CREB5: variants seen among roughly 807,000 people sequenced by gnomAD.
CREB5 encodes cAMP responsive element binding protein 5.
A neutral mutation model predicts 57.1 loss-of-function variants in CREB5; 19 were observed. The observed-to-expected ratio is 0.33, with a 90% CI of 0.23 to 0.49. The LOEUF is 0.49. CREB5 is among the 20% of genes least tolerant of loss of function. The pLI, the probability that CREB5 is intolerant of heterozygous loss-of-function variation, is 0.99. For synonymous variants in CREB5, 238 were observed against 238.3 expected (o/e 1.00, Z 0.01); for missense variants, 579 against 671.6 (o/e 0.86, Z 1.52).
rs187172513 is a variant in CREB5, at chr7:28,702,260, G to A, written c.465-16493G>A. On this transcript the variant is annotated intron_variant, in intron 5 of 10. Coordinates refer to ENST00000357727, the MANE Select transcript of CREB5 (RefSeq NM_182898.4). ...AGTTATAGGTTTTGATCCTTCTGGAGAGCTTCAACAACTGAAACCATGGTG... is the reference window on the plus strand; with the variant it reads ...AGTTATAGGTTTTGATCCTTCTGGAAAGCTTCAACAACTGAAACCATGGTG... Among the ~76,000 whole-genome samples, 12 of 152,284 alleles carry A rather than the reference G, an allele frequency of 7.9e-5. 1 individual carries two copies. Among genetic ancestry groups the A allele is most frequent in the Admixed American group, 2.0e-4 (3 of 15,278 alleles).
chr7:28,312,404 G>A (rs755995232), intron 1 of CREB5, among the ~76,000 whole-genome samples: 2 of 152,174 alleles, frequency 1.3e-5, no homozygotes, highest in African/African-American at 4.8e-5. Flanking sequence ...GAGTGGTGGA[G>A]CTGCAAGGAA....
At chr7:28,672,855 C>G (rs928585941) in intron 5 of CREB5, among the ~76,000 whole-genome samples, 2 of 152,178 alleles carry the variant, frequency 1.3e-5, no homozygotes, top group African/African-American at 4.8e-5. Context: ...TTTTCATGCT[C>G]CAACACTGTG....
At position 28,642,989 on chromosome 7, in the gene CREB5, C is replaced by CACACACAT. The variant is rs1562544780; in HGVS notation, c.464+72459_464+72460insTACACACA. On this transcript the variant is annotated intron_variant, in intron 5 of 10. Coordinates refer to ENST00000357727, the MANE Select transcript of CREB5 (RefSeq NM_182898.4). ...ACACACACACACACACACACACATACACACACACACACACACACACACACA... is the reference window on the plus strand; with the variant it reads ...ACACACACACACACACACACACATACACACACATACACACACACACACACACACACACA... 2.9e-3 allele frequency among the ~76,000 whole-genome samples: 203 copies of CACACACAT among 70,962 alleles called. 1 individual carries two copies. The highest frequency in any genetic ancestry group is 8.2e-3 in the Middle Eastern group (1 of 122). 46.6% of individuals were successfully genotyped at this position (70,962 alleles called of 152,430 possible). A position where few individuals can be genotyped will look rare whatever the true frequency, so the allele number is the denominator to read the frequency against.
intron 5 of CREB5, among the ~76,000 whole-genome samples, chr7:28,669,704 A>G (rs982950): frequency 0.35 from 53,263 of 152,160 alleles, 9,713 homozygotes; most frequent in Middle Eastern, 0.49. Context: ...GCTGATTTTT[A>G]TAACAGTGGC....
At chr7:28,570,229 G>A in intron 4 of CREB5, 136 bp from the exon 5 acceptor site, 1 of 806,080 alleles carries the variant, frequency 1.2e-6, no homozygotes, top group Non-Finnish European at 2.0e-6. Context: ...AGATGAATGG[G>A]CCTATGGCTT....
At chr7:28,744,705 G>A (rs79638938) in intron 7 of CREB5, among the ~76,000 whole-genome samples, 2,599 of 152,168 alleles carry the variant, frequency 0.017, 36 homozygotes, top group South Asian at 0.04. Context: ...CTGAGGTCCC[G>A]GAGTTAGGAT....
chr7:28,672,201 A>G (rs1463959696), intron 5 of CREB5, among the ~76,000 whole-genome samples: 1 of 151,864 alleles, frequency 6.6e-6, no homozygotes, highest in Non-Finnish European at 1.5e-5. Context: ...ACACACACAC[A>G]CACACACACA....
chr7:28,649,454 G>A (rs1352724760), intron 5 of CREB5, among the ~76,000 whole-genome samples: 2 of 152,232 alleles, frequency 1.3e-5, no homozygotes, highest in African/African-American at 2.4e-5. Flanking sequence ...GCTGAGTGGA[G>A]CAGTTGCAAT....
chr7:28,502,458 A>G (rs1467335223), intron 3 of CREB5, among the ~76,000 whole-genome samples: 1 of 152,230 alleles, frequency 6.6e-6, no homozygotes, highest in African/African-American at 2.4e-5. Flanking sequence ...AAATAGATAT[A>G]CTAATTCCAA....
intron 5 of CREB5, among the ~76,000 whole-genome samples, chr7:28,588,989 GA>G (rs1796397350): frequency 6.6e-6 from 1 of 152,136 alleles, no homozygotes; most frequent in African/African-American, 2.4e-5. Context: ...AATAAGTGTG[GA>G]GTCAGAAAAC....
rs28591599 is a variant in CREB5 at position 28,714,738 on chromosome 7, T to C, written c.465-4015T>C. Among the ~76,000 whole-genome samples, 994 of 152,342 alleles carry C rather than the reference T, an allele frequency of 6.5e-3. 4 individuals are homozygous for C. The highest frequency in any genetic ancestry group is 0.012 in the Non-Finnish European group (791 of 68,032). ...TGTAAGCAGTATGTTTATACAAGTG[T>C]AGAAAGAGGAATAATCTGTCAAGTT... On this transcript the variant is annotated intron_variant, in intron 5 of 10. Coordinates refer to ENST00000357727, the MANE Select transcript of CREB5 (RefSeq NM_182898.4).
chr7:28,736,705 T>C (rs1373927075), intron 7 of CREB5, among the ~76,000 whole-genome samples: 3 of 152,184 alleles, frequency 2.0e-5, no homozygotes, highest in Non-Finnish European at 4.4e-5. Context: ...TTGCTTTGGT[T>C]ACCTTAAAGC....
At chr7:28,494,642 C>A (rs1354791197) in intron 2 of CREB5, among the ~76,000 whole-genome samples, 1 of 152,156 alleles carries the variant, frequency 6.6e-6, no homozygotes, top group Non-Finnish European at 1.5e-5. Context: ...TTGTAGTTAA[C>A]CCCTTTGGTA....
intron 5 of CREB5, among the ~76,000 whole-genome samples, chr7:28,616,302 A>T (rs1287559290): frequency 6.6e-6 from 1 of 152,062 alleles, no homozygotes; most frequent in Non-Finnish European, 1.5e-5. Flanking sequence ...TTCTTTAGGG[A>T]TTATGAAATG....
At chr7:28,463,145 A>G (rs1479756194) in intron 1 of CREB5, among the ~76,000 whole-genome samples, 2 of 152,120 alleles carry the variant, frequency 1.3e-5, no homozygotes, top group Admixed American at 1.3e-4. Context: ...TCTTTTACTT[A>G]TGGGTACCCA....
At chr7:28,311,444 A>G (rs542022037) in intron 1 of CREB5, among the ~76,000 whole-genome samples, 2 of 152,276 alleles carry the variant, frequency 1.3e-5, no homozygotes, top group African/African-American at 4.8e-5. Context: ...CATATCCCCC[A>G]CTGTCCTCTC....
intron 4 of CREB5, among the ~76,000 whole-genome samples, chr7:28,521,622 G>A (rs1261200732): frequency 1.3e-5 from 2 of 152,150 alleles, no homozygotes; most frequent in African/African-American, 4.8e-5. Context: ...TTCAATCCCT[G>A]TATTTAATAG....
intron 1 of CREB5, among the ~76,000 whole-genome samples, chr7:28,437,830 T>C (rs1023236741): frequency 6.6e-6 from 1 of 152,152 alleles, no homozygotes; most frequent in Non-Finnish European, 1.5e-5. Flanking sequence ...AGGATTAACA[T>C]TTTCACTATT....
intron 5 of CREB5, among the ~76,000 whole-genome samples, chr7:28,608,725 T>C (rs1797274303): frequency 6.6e-6 from 1 of 152,212 alleles, no homozygotes; most frequent in African/African-American, 2.4e-5. Flanking sequence ...ACCAGGACAC[T>C]GAAGTTCCTC....
Sources: gnomAD v4.1 joint callset for allele counts (sites outside exome capture counted in the v4.1 genomes callset) on GRCh38, gnomAD v4.1.1 for gene constraint, MANE v1.5 for transcripts, NCBI Gene and HGNC (gene_info 2026-07-23, HGNC 2026-07-21) for gene names.